The following PDE7B variants were observed in gnomAD, a reference collection of about 807,000 sequenced individuals.
PDE7B encodes the protein 3',5'-cyclic-AMP phosphodiesterase 7B.
PDE7B carries 29 observed loss-of-function variants against 56.2 expected under a neutral mutation model. The observed-to-expected ratio is 0.52, with a 90% CI of 0.38 to 0.70. PDE7B has a LOEUF of 0.70. Among genes scored for constraint, PDE7B ranks in the 30% least tolerant of loss-of-function variants. The pLI is 0.00. For synonymous variants in PDE7B, 197 were observed against 196.9 expected, an observed-to-expected ratio of 1.00 and a Z score of 0.00; for missense variants, 490 against 565.0, an observed-to-expected ratio of 0.87 and a Z score of 1.35.
At chr6:135,885,217 T>C (rs1047161435) in intron 1 of PDE7B, among the ~76,000 whole-genome samples, 1 of 152,200 alleles carries the variant, frequency 6.6e-6, no homozygotes, top group African/African-American at 2.4e-5. Flanking sequence ...TCATGATGTT[T>C]CATAAAGCCT....
intron 2 of PDE7B, among the ~76,000 whole-genome samples, chr6:135,957,129 T>C (rs1043922491): frequency 2.0e-5 from 3 of 152,056 alleles, no homozygotes; most frequent in Non-Finnish European, 4.4e-5. Context: ...CGAGGAAGCA[T>C]GGAGATAGAG....
intron 1 of PDE7B, among the ~76,000 whole-genome samples, chr6:135,926,303 G>A (rs1309502593): frequency 6.6e-6 from 1 of 152,090 alleles, no homozygotes; most frequent in Non-Finnish European, 1.5e-5. Context: ...TAGCCAGGAT[G>A]GTCTCAATCT....
chr6:135,950,630 CCT>C (rs1774681876), intron 2 of PDE7B, among the ~76,000 whole-genome samples: 1 of 152,082 alleles, frequency 6.6e-6, no homozygotes, highest in Non-Finnish European at 1.5e-5. Flanking sequence ...TGGAAACCTC[CCT>C]CTCTACCCAC....
At chr6:136,156,202 T>TGTGTGTGTGTGTGTGTGTGTGTG in intron 8 of PDE7B, 2 of 324,620 alleles carry the variant, frequency 6.2e-6, no homozygotes, top group Admixed American at 8.3e-5. Flanking sequence ...TGTGTGTGTG[T>TGTGTGTGTGTGTGTGTGTGTGTG]TTTCAGAAAC....
At chr6:135,878,756 A>G (rs965646042) in intron 1 of PDE7B, among the ~76,000 whole-genome samples, 2 of 152,206 alleles carry the variant, frequency 1.3e-5, no homozygotes, top group African/African-American at 4.8e-5. Context: ...AAATCTATAA[A>G]CATCAGTCAT....
At chr6:135,987,335 C>T (rs746222019) in intron 2 of PDE7B, among the ~76,000 whole-genome samples, 1 of 152,132 alleles carries the variant, frequency 6.6e-6, no homozygotes, top group African/African-American at 2.4e-5. Context: ...AGAGCACCAA[C>T]CCTCTGGACT....
At chr6:135,975,087 G>A (rs1775160294) in intron 2 of PDE7B, among the ~76,000 whole-genome samples, 1 of 151,836 alleles carries the variant, frequency 6.6e-6, no homozygotes, top group Admixed American at 6.6e-5. Flanking sequence ...CTCTGCCACT[G>A]CCACAAAATG....
intron 2 of PDE7B, among the ~76,000 whole-genome samples, chr6:136,067,549 A>G (rs911836405): frequency 3.3e-5 from 5 of 152,208 alleles, no homozygotes; most frequent in African/African-American, 1.2e-4. Flanking sequence ...TTGACTAGCA[A>G]TATCTAGGGA....
chr6:135,880,221 T>C (rs540065669), intron 1 of PDE7B, among the ~76,000 whole-genome samples: 2 of 152,090 alleles, frequency 1.3e-5, no homozygotes, highest in African/African-American at 4.8e-5. Context: ...AGAGGGAAGA[T>C]GAAAGGGAGA....
intron 2 of PDE7B, among the ~76,000 whole-genome samples, chr6:135,994,964 T>C (rs920740782): frequency 2.6e-5 from 4 of 152,226 alleles, no homozygotes; most frequent in African/African-American, 9.6e-5. Flanking sequence ...CTCTCAAATC[T>C]TCCTAAAACA....
At chr6:135,947,181 C>G (rs954196173) in intron 1 of PDE7B, among the ~76,000 whole-genome samples, 1 of 152,064 alleles carries the variant, frequency 6.6e-6, no homozygotes, top group Admixed American at 6.6e-5. Flanking sequence ...GAAATAGAAA[C>G]TGTTTCAAAC....
intron 3 of PDE7B, among the ~76,000 whole-genome samples, chr6:136,117,453 C>G (rs538255789): frequency 6.6e-6 from 1 of 152,308 alleles, no homozygotes; most frequent in Admixed American, 6.5e-5. Context: ...ATGGCCCCAT[C>G]CTTAATATCT....
intron 2 of PDE7B, chr6:136,034,980 G>A (rs547344264): frequency 6.7e-6 from 1 of 148,960 alleles, no homozygotes; most frequent in Non-Finnish European, 1.5e-5. Context: ...GGAACAAGCT[G>A]TTTTGACTTT....
At chr6:135,908,154 T>C (rs1384972710) in intron 1 of PDE7B, among the ~76,000 whole-genome samples, 1 of 151,884 alleles carries the variant, frequency 6.6e-6, no homozygotes, top group Non-Finnish European at 1.5e-5. Flanking sequence ...AGTGGTGTGA[T>C]CTTGGCTCAC....
intron 2 of PDE7B, among the ~76,000 whole-genome samples, chr6:135,988,998 A>G (rs1015443871): frequency 2.6e-5 from 4 of 152,210 alleles, no homozygotes; most frequent in Non-Finnish European, 5.9e-5. Flanking sequence ...CTTTTATGTA[A>G]TCAGTTTCTA....
At chr6:135,853,432 A>G (rs867547639) in intron 1 of PDE7B, among the ~76,000 whole-genome samples, 9 of 152,224 alleles carry the variant, frequency 5.9e-5, no homozygotes, top group African/African-American at 2.2e-4. Context: ...TGTGTTGCAA[A>G]CGCATAACTG....
intron 2 of PDE7B, among the ~76,000 whole-genome samples, chr6:135,976,249 A>C (rs1320419406): frequency 2.0e-5 from 3 of 152,118 alleles, no homozygotes; most frequent in African/African-American, 7.2e-5. Context: ...TCTATTCCTC[A>C]AGCAGCATTC....
intron 8 of PDE7B, among the ~76,000 whole-genome samples, chr6:136,158,354 G>T (rs1778646395): frequency 6.6e-6 from 1 of 152,108 alleles, no homozygotes; most frequent in Non-Finnish European, 1.5e-5. Context: ...AAAAATATAT[G>T]TACATATACG....
At chr6:135,930,880 A>G (rs201877922) in intron 1 of PDE7B, among the ~76,000 whole-genome samples, 5 of 152,178 alleles carry the variant, frequency 3.3e-5, no homozygotes, top group Non-Finnish European at 5.9e-5. Context: ...GAAAGTTTGC[A>G]TAATAGTTCA....
Sources: allele counts gnomAD v4.1 joint callset (sites outside exome capture counted in the v4.1 genomes callset), GRCh38; gene constraint gnomAD v4.1.1; transcripts MANE v1.5; gene names NCBI Gene and HGNC (gene_info 2026-07-23, HGNC 2026-07-21).